ZFPM2: variants seen among roughly 807,000 people sequenced by gnomAD.
The protein encoded by ZFPM2 is zinc finger protein ZFPM2.
ZFPM2 carries 20 observed loss-of-function variants against 98.6 expected under a neutral mutation model. The observed-to-expected ratio is 0.20, with a 90% CI of 0.14 to 0.29. ZFPM2 has a LOEUF of 0.29. ZFPM2 is among the 10% of genes least tolerant of loss of function. The probability of loss-of-function intolerance (pLI) is 1.00; values close to 1 mark genes in which losing one functional copy is unlikely to be tolerated. For synonymous variants in ZFPM2, 518 were observed against 502.7 expected, an observed-to-expected ratio of 1.03 and a Z score of -0.41; for missense variants, 1,310 against 1,388.6, an observed-to-expected ratio of 0.94 and a Z score of 0.90.
At chr8:105,346,392 A>AT (rs1812528242) in intron 1 of ZFPM2, among the ~76,000 whole-genome samples, 1 of 151,766 alleles carries the variant, frequency 6.6e-6, no homozygotes, top group Admixed American at 6.6e-5. Context: ...CTCAAAAAAA[A>AT]AAAAAAATAA....
chr8:105,675,861 C>T (rs982970293), intron 5 of ZFPM2: 6 of 152,132 alleles, frequency 3.9e-5, no homozygotes, highest in Non-Finnish European at 8.8e-5. Context: ...TTATTCATAG[C>T]AATCTTTGAC....
chr8:105,690,210 C>T (rs1810844771), intron 5 of ZFPM2, among the ~76,000 whole-genome samples: 1 of 152,166 alleles, frequency 6.6e-6, no homozygotes, highest in Admixed American at 6.5e-5. Context: ...TCTCTCTAAG[C>T]TGAACATGTA....
chr8:105,483,248 CTT>C (rs1186730672), intron 3 of ZFPM2, among the ~76,000 whole-genome samples: 1 of 152,032 alleles, frequency 6.6e-6, no homozygotes, highest in East Asian at 1.9e-4. Context: ...TAAACAAAAA[CTT>C]TATTCAGCCC....
chr8:105,645,673 A>G (rs987384926), intron 5 of ZFPM2, among the ~76,000 whole-genome samples: 1 of 152,180 alleles, frequency 6.6e-6, no homozygotes, highest in African/African-American at 2.4e-5. Flanking sequence ...AGCCAAAAAC[A>G]GATACTTTGA....
At chr8:105,746,025 G>A (rs1446725973) in intron 5 of ZFPM2, among the ~76,000 whole-genome samples, 3 of 152,016 alleles carry the variant, frequency 2.0e-5, no homozygotes, top group Non-Finnish European at 4.4e-5. Flanking sequence ...TCCTGCCTCA[G>A]CCTCCCAAAG....
In ZFPM2 at chr8:105,634,475, C is replaced by G. The variant is rs1175179444; in HGVS notation, c.532+118C>G. 3 of 816,530 alleles carry G rather than the reference C, an allele frequency of 3.7e-6. No homozygotes were observed. The African/African-American group carries it at 5.2e-5, about 14-fold the overall frequency. The allele number at this position is 816,530 out of a possible 1,614,324, so 50.6% of individuals were successfully genotyped here. A position where few individuals can be genotyped will look rare whatever the true frequency, so the allele number is the denominator to read the frequency against. On this transcript the variant is annotated intron_variant, in intron 5 of 7. Coordinates refer to ENST00000407775, the MANE Select transcript of ZFPM2 (RefSeq NM_012082.4). ...TATAAATTGATCCTCTTCCTTTTTTCCCATTTGAGTTCCTCTAATGTGTAT... is the reference window on the plus strand; with the variant it reads ...TATAAATTGATCCTCTTCCTTTTTTGCCATTTGAGTTCCTCTAATGTGTAT...
intron 5 of ZFPM2, among the ~76,000 whole-genome samples, chr8:105,770,858 T>A (rs1373439065): frequency 6.6e-6 from 1 of 152,110 alleles, no homozygotes; most frequent in Non-Finnish European, 1.5e-5. Context: ...TAGACTTAGG[T>A]AGCTGTGGAG....
chr8:105,427,671 A>G (rs1811941972), intron 2 of ZFPM2, among the ~76,000 whole-genome samples: 1 of 152,236 alleles, frequency 6.6e-6, no homozygotes, highest in Non-Finnish European at 1.5e-5. Flanking sequence ...TGGGAAATGT[A>G]GAAAGCTGTG....
chr8:105,716,407 C>T (rs566402337), intron 5 of ZFPM2, among the ~76,000 whole-genome samples: 1 of 151,818 alleles, frequency 6.6e-6, no homozygotes, highest in South Asian at 2.1e-4. Flanking sequence ...TTTATACATA[C>T]ACACATAAAT....
At chr8:105,722,457 G>C (rs570067215) in intron 5 of ZFPM2, among the ~76,000 whole-genome samples, 1 of 151,878 alleles carries the variant, frequency 6.6e-6, no homozygotes, top group East Asian at 1.9e-4. Flanking sequence ...TATAACTTCT[G>C]TGTCCCTAAA....
intron 5 of ZFPM2, among the ~76,000 whole-genome samples, chr8:105,696,773 T>A (rs1278649131): frequency 6.6e-6 from 1 of 152,202 alleles, no homozygotes; most frequent in Non-Finnish European, 1.5e-5. Flanking sequence ...AATAATAGCA[T>A]TATTTCTGGC....
chr8:105,683,530 G>T (rs999618789), intron 5 of ZFPM2, among the ~76,000 whole-genome samples: 1 of 152,032 alleles, frequency 6.6e-6, no homozygotes, highest in African/African-American at 2.4e-5. Context: ...ACTTTGATGT[G>T]TGTGTGCACA....
intron 3 of ZFPM2, among the ~76,000 whole-genome samples, chr8:105,462,020 C>A (rs1478111762): frequency 6.6e-6 from 1 of 152,098 alleles, no homozygotes; most frequent in African/African-American, 2.4e-5. Flanking sequence ...AATTGGAGTT[C>A]TTTCTTCTTC....
intron 3 of ZFPM2, among the ~76,000 whole-genome samples, chr8:105,537,064 C>T (rs534599618): frequency 1.3e-5 from 2 of 152,216 alleles, no homozygotes; most frequent in Admixed American, 6.5e-5. Flanking sequence ...ATAATCATGG[C>T]CCAACAATTG....
At chr8:105,749,139 G>A (rs1466279901) in intron 5 of ZFPM2, among the ~76,000 whole-genome samples, 1 of 152,018 alleles carries the variant, frequency 6.6e-6, no homozygotes, top group African/African-American at 2.4e-5. Flanking sequence ...AAATATGGAA[G>A]TAAAACTGAA....
intron 4 of ZFPM2, among the ~76,000 whole-genome samples, chr8:105,582,706 A>T (rs2130746008): frequency 6.6e-6 from 1 of 152,034 alleles, no homozygotes; most frequent in Non-Finnish European, 1.5e-5. Context: ...CAATACCCCC[A>T]CCTCAGCCTC....
chr8:105,726,778 G>A (rs1490302329), intron 5 of ZFPM2, among the ~76,000 whole-genome samples: 2 of 151,726 alleles, frequency 1.3e-5, no homozygotes, highest in Non-Finnish European at 2.9e-5. Flanking sequence ...CCTGTTGTGG[G>A]CTACTGCTAA....
intron 4 of ZFPM2, among the ~76,000 whole-genome samples, chr8:105,568,987 C>A (rs1465946530): frequency 6.6e-6 from 1 of 151,994 alleles, no homozygotes; most frequent in African/African-American, 2.4e-5. Flanking sequence ...TTCCCCCCTC[C>A]CCACCTATCT....
At chr8:105,438,865 T>C (rs1812177584) in intron 2 of ZFPM2, among the ~76,000 whole-genome samples, 1 of 152,164 alleles carries the variant, frequency 6.6e-6, no homozygotes. Context: ...CAGTCTCTTT[T>C]TGTGCTTCTG....
Sources: gnomAD v4.1 joint callset for allele counts (sites outside exome capture counted in the v4.1 genomes callset) on GRCh38, gnomAD v4.1.1 for gene constraint, MANE v1.5 for transcripts, NCBI Gene and HGNC (gene_info 2026-07-23, HGNC 2026-07-21) for gene names.